Variants in GRXCR1 observed in about 807,000 individuals in gnomAD.
GRXCR1 encodes the protein glutaredoxin and cysteine rich domain containing 1.
In GRXCR1, 27 loss-of-function variants were observed where a neutral mutation model predicts 27.3. The ratio of observed to expected loss-of-function variants is 0.99; its 90% confidence interval spans 0.73 to 1.37. The LOEUF (loss-of-function observed/expected upper bound fraction) is 1.37, where lower values mean the gene tolerates loss of function less well. Ranked by LOEUF, GRXCR1 falls within the 40% of genes most tolerant of loss-of-function variation. The probability of loss-of-function intolerance (pLI) is 0.00; values close to 1 mark genes in which losing one functional copy is unlikely to be tolerated. For synonymous variants in GRXCR1, 122 were observed against 131.1 expected, an observed-to-expected ratio of 0.93 and a Z score of 0.47; for missense variants, 379 against 354.4, an observed-to-expected ratio of 1.07 and a Z score of -0.56.
At chr4:42,915,788 G>C (rs1186962214) in intron 1 of GRXCR1, among the ~76,000 whole-genome samples, 1 of 152,166 alleles carries the variant, frequency 6.6e-6, no homozygotes, top group African/African-American at 2.4e-5. Flanking sequence ...GGAGCCTATA[G>C]ATGCTTCATC....
Position 43,030,348 on chromosome 4 carries a change from C to A in GRXCR1, c.694-13C>A. ...TCCTCTGTTTTCTCTTGTTCCCCTG[C>A]CACCTTATACAGAGAGTACAGCATC... On this transcript the variant is annotated splice_polypyrimidine_tract_variant and intron_variant, in intron 3 of 3. Transcript: ENST00000399770. The A allele has an allele frequency of 1.2e-6, 2 of 1,612,634 alleles. No individual in the cohort carries two copies. The highest frequency in any genetic ancestry group is 1.1e-5 in the South Asian group (1 of 91,028).
intron 2 of GRXCR1, among the ~76,000 whole-genome samples, chr4:43,003,419 T>C (rs1712446474): frequency 1.3e-5 from 2 of 152,136 alleles, no homozygotes; most frequent in Admixed American, 1.3e-4. Flanking sequence ...ACTTTGGAAC[T>C]GGGTACAAGC....
chr4:42,965,617 T>C (rs939462174), intron 2 of GRXCR1, among the ~76,000 whole-genome samples: 1 of 152,096 alleles, frequency 6.6e-6, no homozygotes, highest in Admixed American at 6.6e-5. Flanking sequence ...CCTTAACATC[T>C]GTGGTGTTTT....
chr4:42,902,715 A>G (rs1232316156), intron 1 of GRXCR1, among the ~76,000 whole-genome samples: 1 of 152,166 alleles, frequency 6.6e-6, no homozygotes, highest in Non-Finnish European at 1.5e-5. Context: ...AGCTTCAGGA[A>G]GAATAGCTAA....
chr4:42,958,551 A>G (rs752602994), intron 1 of GRXCR1, among the ~76,000 whole-genome samples: 10 of 152,046 alleles, frequency 6.6e-5, no homozygotes, highest in Non-Finnish European at 1.5e-4. Context: ...TGCAAGGAAA[A>G]ATAAACAAGT....
chr4:42,945,985 C>A (rs1324513250), intron 1 of GRXCR1, among the ~76,000 whole-genome samples: 1 of 152,108 alleles, frequency 6.6e-6, no homozygotes, highest in Non-Finnish European at 1.5e-5. Context: ...TAAGGGCAAG[C>A]AAAAGAGTCC....
At chr4:42,957,399 A>G (rs952814988) in intron 1 of GRXCR1, among the ~76,000 whole-genome samples, 4 of 152,042 alleles carry the variant, frequency 2.6e-5, no homozygotes, top group African/African-American at 9.7e-5. Flanking sequence ...TGTTTGGCAA[A>G]CAAATTATTC....
intron 3 of GRXCR1, among the ~76,000 whole-genome samples, chr4:43,021,723 A>C (rs1270736570): frequency 1.3e-5 from 2 of 152,204 alleles, no homozygotes; most frequent in Admixed American, 6.5e-5. Flanking sequence ...TATAGTGCTT[A>C]TACGGGAGGA....
At chr4:42,987,744 G>T (rs544703380) in intron 2 of GRXCR1, among the ~76,000 whole-genome samples, 3 of 152,206 alleles carry the variant, frequency 2.0e-5, no homozygotes, top group Non-Finnish European at 2.9e-5. Flanking sequence ...AAAGATCTAG[G>T]TGATAAAATT....
chr4:43,020,273 G>A, intron 2 of GRXCR1, 81 bp from the exon 3 acceptor site: 2 of 891,316 alleles, frequency 2.2e-6, no homozygotes, highest in Non-Finnish European at 3.8e-6. Flanking sequence ...TATTTTGTGG[G>A]TTAAGCTTTC....
intron 1 of GRXCR1, among the ~76,000 whole-genome samples, chr4:42,906,481 G>T (rs1241343475): frequency 6.6e-6 from 1 of 152,062 alleles, no homozygotes; most frequent in Non-Finnish European, 1.5e-5. Context: ...TTTACTCTTT[G>T]CCTGGGATGC....
chr4:43,019,341 T>C (rs878875939), intron 2 of GRXCR1, among the ~76,000 whole-genome samples: 1 of 152,210 alleles, frequency 6.6e-6, no homozygotes, highest in Non-Finnish European at 1.5e-5. Context: ...ACTAGAACGT[T>C]TTTATTTTTT....
At chr4:42,978,297 T>A (rs1407636200) in intron 2 of GRXCR1, among the ~76,000 whole-genome samples, 1 of 152,106 alleles carries the variant, frequency 6.6e-6, no homozygotes, top group Non-Finnish European at 1.5e-5. Flanking sequence ...TTGGGGTACT[T>A]TGTCATTCCA....
intron 2 of GRXCR1, among the ~76,000 whole-genome samples, chr4:42,977,391 T>C (rs1443327774): frequency 6.6e-6 from 1 of 151,986 alleles, no homozygotes; most frequent in Admixed American, 6.6e-5. Context: ...GAGGAATCTT[T>C]ATACCACTTA....
At chr4:43,024,521 T>C (rs994320355) in intron 3 of GRXCR1, among the ~76,000 whole-genome samples, 3 of 152,024 alleles carry the variant, frequency 2.0e-5, no homozygotes, top group Admixed American at 1.3e-4. Flanking sequence ...TTCTCTGAAA[T>C]AAAAACATCT....
chr4:42,940,074 T>C (rs867311791), intron 1 of GRXCR1, among the ~76,000 whole-genome samples: 21 of 152,122 alleles, frequency 1.4e-4, no homozygotes, highest in African/African-American at 4.6e-4. Flanking sequence ...CAGTGATTAT[T>C]CTATTTCTGC....
chr4:42,965,088 T>G (rs1351946517), intron 2 of GRXCR1, among the ~76,000 whole-genome samples: 13 of 152,078 alleles, frequency 8.5e-5, no homozygotes, highest in African/African-American at 2.4e-4. Flanking sequence ...TTCTCACTAC[T>G]TCTGAGACAA....
At chr4:43,018,109 TA>T (rs1712984832) in intron 2 of GRXCR1, among the ~76,000 whole-genome samples, 1 of 152,190 alleles carries the variant, frequency 6.6e-6, no homozygotes, top group Admixed American at 6.5e-5. Context: ...ATCTTGCTGT[TA>T]GGCTTGGTAA....
intron 2 of GRXCR1, among the ~76,000 whole-genome samples, chr4:43,014,460 G>C (rs1712868312): frequency 6.6e-6 from 1 of 152,094 alleles, no homozygotes; most frequent in African/African-American, 2.4e-5. Context: ...CTCCTTCAAT[G>C]CCAGCCCTGC....
Sources: gnomAD v4.1 joint callset for allele counts (sites outside exome capture counted in the v4.1 genomes callset) on GRCh38, gnomAD v4.1.1 for gene constraint, MANE v1.5 for transcripts, NCBI Gene and HGNC (gene_info 2026-07-23, HGNC 2026-07-21) for gene names.